Variants in TC2N observed in about 807,000 individuals in gnomAD.
TC2N encodes tandem C2 domains nuclear protein.
In TC2N, 51 loss-of-function variants were observed where a neutral mutation model predicts 61.9. The observed-to-expected ratio is 0.82, with a 90% CI of 0.66 to 1.04. The LOEUF is 1.04. TC2N is among the 50% of genes least tolerant of loss of function. The pLI, the probability that TC2N is intolerant of heterozygous loss-of-function variation, is 0.00. For synonymous variants in TC2N, 204 were observed against 192.6 expected, an observed-to-expected ratio of 1.06 and a Z score of -0.49; for missense variants, 556 against 566.7, an observed-to-expected ratio of 0.98 and a Z score of 0.19.
intron 3 of TC2N, among the ~76,000 whole-genome samples, chr14:91,807,953 T>C (rs746739715): frequency 3.9e-5 from 6 of 152,188 alleles, no homozygotes; most frequent in Admixed American, 1.3e-4. Flanking sequence ...TCTCCCATAC[T>C]GTTCTTGTGA....
chr14:91,859,924 G>A (rs1379377239), intron 1 of TC2N, among the ~76,000 whole-genome samples: 4 of 152,192 alleles, frequency 2.6e-5, no homozygotes, highest in Non-Finnish European at 5.9e-5. Flanking sequence ...GGGGAAAGTG[G>A]TAGGAGCTGG....
At chr14:91,813,995 T>A (rs1294558921) in intron 1 of TC2N, among the ~76,000 whole-genome samples, 170 bp from the exon 2 acceptor site, 2 of 151,636 alleles carry the variant, frequency 1.3e-5, no homozygotes, top group Non-Finnish European at 3.0e-5. Context: ...ATAACTTATT[T>A]GTAAGTTATT....
intron 9 of TC2N, among the ~76,000 whole-genome samples, chr14:91,791,135 A>C (rs1885623181): frequency 7.2e-6 from 1 of 138,114 alleles, no homozygotes; most frequent in African/African-American, 2.6e-5. Flanking sequence ...CTTCCTCAAA[A>C]AAAAGGGGAA....
chr14:91,838,471 T>A lies in TC2N; in HGVS notation c.-56-24646A>T, dbSNP rs909448615. Reference sequence around the variant, plus strand: ...TCCCTTGATACCTAAGGAGAGCACATCCTTGGTTAGAAATCACTAGATTCA... The same window carrying A: ...TCCCTTGATACCTAAGGAGAGCACAACCTTGGTTAGAAATCACTAGATTCA... On this transcript the variant is annotated intron_variant, in intron 1 of 11. Transcript: ENST00000435962. Among the ~76,000 whole-genome samples the A allele has an allele frequency of 4.6e-5, 7 of 152,182 alleles. No homozygotes were observed. In the East Asian group the frequency reaches 1.2e-3, roughly 25 times the overall value.
At chr14:91,797,938 G>T (rs890352831) in intron 7 of TC2N, 37 bp from the exon 8 acceptor site, 38 of 1,266,818 alleles carry the variant, frequency 3.0e-5, no homozygotes, top group Non-Finnish European at 4.3e-5. Context: ...ATTTTACAAA[G>T]GATCCAACAA....
intron 8 of TC2N, among the ~76,000 whole-genome samples, chr14:91,794,229 A>C (rs527307939): frequency 1.1e-4 from 17 of 152,358 alleles, no homozygotes; most frequent in Admixed American, 1.0e-3. Context: ...GGAAAGAAAC[A>C]GTCTCCAAAA....
intron 1 of TC2N, among the ~76,000 whole-genome samples, chr14:91,853,458 T>A (rs1479083136): frequency 6.6e-6 from 1 of 152,228 alleles, no homozygotes; most frequent in East Asian, 1.9e-4. Context: ...CAAGACTCAA[T>A]AGTAGATGGT....
At chr14:91,798,883 G>T (rs1886057514) in intron 6 of TC2N, 106 bp downstream of exon 6, 1 of 684,692 alleles carries the variant, frequency 1.5e-6, no homozygotes, top group Non-Finnish European at 2.4e-6. Flanking sequence ...TATCAACATA[G>T]TAGATACAAT....
At chr14:91,796,033 T>G (rs1885880420) in intron 8 of TC2N, among the ~76,000 whole-genome samples, 1 of 152,022 alleles carries the variant, frequency 6.6e-6, no homozygotes, top group African/African-American at 2.4e-5. Flanking sequence ...ATAATAAAAT[T>G]GTAAAATGAA....
At chr14:91,797,749 AAC>A (rs1235396620) in intron 8 of TC2N, 34 bp downstream of exon 8, 3 of 1,316,560 alleles carry the variant, frequency 2.3e-6, no homozygotes, top group Non-Finnish European at 2.1e-6. Flanking sequence ...AAAAAAAAAA[AAC>A]AGAAAAGAAA....
intron 8 of TC2N, among the ~76,000 whole-genome samples, chr14:91,796,395 ATAGTTACC>A (rs1885898591): frequency 2.0e-5 from 3 of 152,030 alleles, no homozygotes; most frequent in African/African-American, 7.2e-5. Flanking sequence ...ATTAGTTTTC[ATAGTTACC>A]TAGTTTTCTA....
chr14:91,821,649 C>G (rs765147907), intron 1 of TC2N, among the ~76,000 whole-genome samples: 2 of 151,940 alleles, frequency 1.3e-5, no homozygotes, highest in Admixed American at 6.6e-5. Flanking sequence ...ATTTGATGTA[C>G]TAGATTTAAT....
intron 1 of TC2N, among the ~76,000 whole-genome samples, chr14:91,821,457 A>G (rs534300027): frequency 6.6e-6 from 1 of 152,202 alleles, no homozygotes; most frequent in Admixed American, 6.5e-5. Context: ...CCCACAAAAA[A>G]AAAAATTGGA....
intron 1 of TC2N, among the ~76,000 whole-genome samples, chr14:91,861,440 C>T (rs151065350): frequency 1.6e-3 from 241 of 152,300 alleles, no homozygotes; most frequent in African/African-American, 5.5e-3. Flanking sequence ...GTGCTTTGTC[C>T]CTTGGACCCA....
At chr14:91,854,296 G>T (rs1279496397) in intron 1 of TC2N, among the ~76,000 whole-genome samples, 1 of 151,762 alleles carries the variant, frequency 6.6e-6, no homozygotes, top group African/African-American at 2.4e-5. Flanking sequence ...TATAGAAACT[G>T]GAAGGAAAAA....
chr14:91,800,308 A>C lies in TC2N; in HGVS notation c.534T>G (p.Leu178=), dbSNP rs747473865. Residue 178 remains leucine, a synonymous_variant, in exon 5 of 12, where the codon CTT becomes CTG. Coordinates refer to ENST00000435962, the MANE Select transcript of TC2N (RefSeq NM_001128596.3). ...SPGLSKSMFD[L]TNSSQRFIQR... ...GGATGAATCGCTGAGATGAGTTTGTAAGATCAAACATAGATTTGCTTAGCC... is the reference window on the plus strand; with the variant it reads ...GGATGAATCGCTGAGATGAGTTTGTCAGATCAAACATAGATTTGCTTAGCC... 6.2e-7 allele frequency: 1 copy of C among 1,603,380 alleles called. No individual in the cohort carries two copies. Among genetic ancestry groups the C allele is most frequent in the Non-Finnish European group, 8.5e-7 (1 of 1,174,058 alleles).
At chr14:91,847,380 T>C (rs942129194) in intron 1 of TC2N, among the ~76,000 whole-genome samples, 1 of 152,140 alleles carries the variant, frequency 6.6e-6, no homozygotes, top group Admixed American at 6.5e-5. Flanking sequence ...AGGCTAACCA[T>C]AGTGACTGGT....
chr14:91,800,400 A>G, intron 4 of TC2N, 28 bp from the exon 5 acceptor site: 4 of 1,315,456 alleles, frequency 3.0e-6, no homozygotes, highest in Non-Finnish European at 4.3e-6. Flanking sequence ...AAAAGTATAT[A>G]TTTTTAAGAA....
chr14:91,826,641 C>T (rs1887513176), intron 1 of TC2N, among the ~76,000 whole-genome samples: 1 of 152,010 alleles, frequency 6.6e-6, no homozygotes, highest in Non-Finnish European at 1.5e-5. Context: ...TTCTTTTCAA[C>T]CTTTCTGTGT....
Sources: gnomAD v4.1 joint callset for allele counts (sites outside exome capture counted in the v4.1 genomes callset) on GRCh38, gnomAD v4.1.1 for gene constraint, MANE v1.5 for transcripts, NCBI Gene and HGNC (gene_info 2026-07-23, HGNC 2026-07-21) for gene names.